DISC1: variants seen among roughly 807,000 people sequenced by gnomAD.
DISC1 encodes DISC1 scaffold protein, also known as disrupted in schizophrenia 1 protein.
Under a neutral mutation model 84.5 loss-of-function variants are expected in DISC1, and 57 were observed. That is an observed-to-expected ratio of 0.67 (90% confidence interval 0.55 to 0.84). The LOEUF (loss-of-function observed/expected upper bound fraction) is 0.84, where lower values mean the gene tolerates loss of function less well. Among genes scored for constraint, DISC1 ranks in the 40% least tolerant of loss-of-function variants. The pLI is 0.00. For synonymous variants in DISC1, 411 were observed against 415.2 expected (o/e 0.99, Z 0.12); for missense variants, 1,000 against 1,057.8 (o/e 0.95, Z 0.76).
chr1:231,762,699 A>C (rs980936762), intron 4 of DISC1, among the ~76,000 whole-genome samples: 2 of 151,508 alleles, frequency 1.3e-5, no homozygotes, highest in African/African-American at 4.9e-5. Flanking sequence ...TACAGTGTTC[A>C]TTTTCCCGAT....
chr1:231,880,574 G>A (rs762322374), intron 9 of DISC1, among the ~76,000 whole-genome samples: 5 of 152,094 alleles, frequency 3.3e-5, no homozygotes, highest in Non-Finnish European at 7.4e-5. Context: ...TTATAGGACC[G>A]ACAGGTTCGT....
intron 10 of DISC1, among the ~76,000 whole-genome samples, chr1:231,974,099 C>G (rs1210363244): frequency 2.6e-5 from 4 of 152,088 alleles, no homozygotes; most frequent in Non-Finnish European, 5.9e-5. Flanking sequence ...AGCTCACACA[C>G]TAAACAGGGT....
At chr1:231,663,562 G>A (rs201491668) in intron 1 of DISC1, among the ~76,000 whole-genome samples, 15 of 152,172 alleles carry the variant, frequency 9.9e-5, no homozygotes, top group Admixed American at 3.3e-4. Flanking sequence ...TCTCACTTTG[G>A]TTGTATCACT....
intron 9 of DISC1, among the ~76,000 whole-genome samples, chr1:231,868,692 TTATATATATATATA>T (rs58636016): frequency 0.27 from 29,103 of 108,490 alleles, 4,264 homozygotes; most frequent in Non-Finnish European, 0.32. Context: ...ACCCCATCTC[TTATATATATATATA>T]TATATATATA....
chr1:231,950,799 C>T (rs1156587629), intron 9 of DISC1, among the ~76,000 whole-genome samples: 4 of 152,162 alleles, frequency 2.6e-5, no homozygotes, highest in African/African-American at 9.7e-5. Context: ...ACATAGCAAA[C>T]ATTTTTAAAC....
intron 9 of DISC1, among the ~76,000 whole-genome samples, chr1:231,915,720 G>A (rs1371585214): frequency 6.6e-6 from 1 of 152,232 alleles, no homozygotes; most frequent in East Asian, 1.9e-4. Flanking sequence ...GGATGTTGCA[G>A]TGAGCTGAGA....
intron 6 of DISC1, among the ~76,000 whole-genome samples, chr1:231,784,558 G>A: frequency 6.6e-6 from 1 of 152,192 alleles, no homozygotes; most frequent in Non-Finnish European, 1.5e-5. Context: ...TTCCACCCTT[G>A]TTAAAAATTT....
intron 1 of DISC1, among the ~76,000 whole-genome samples, chr1:231,649,919 A>G (rs1419449589): frequency 2.6e-5 from 4 of 152,066 alleles, no homozygotes; most frequent in African/African-American, 9.7e-5. Flanking sequence ...TGCTTGGTAG[A>G]TCTTCCTCCA....
At chr1:231,650,352 G>C (rs1379610566) in intron 1 of DISC1, among the ~76,000 whole-genome samples, 3 of 152,090 alleles carry the variant, frequency 2.0e-5, no homozygotes, top group Non-Finnish European at 4.4e-5. Flanking sequence ...GAAATTCTGG[G>C]CTGAAAATTC....
At chr1:231,888,258 G>T (rs185350270) in intron 9 of DISC1, among the ~76,000 whole-genome samples, 1 of 152,166 alleles carries the variant, frequency 6.6e-6, no homozygotes, top group East Asian at 1.9e-4. Context: ...ACTGCACGGC[G>T]TCTGGAAGGC....
intron 1 of DISC1, among the ~76,000 whole-genome samples, chr1:231,651,790 C>T (rs1387127289): frequency 1.3e-5 from 2 of 152,254 alleles, no homozygotes. Context: ...CAAGCCTCAG[C>T]AATGGCAGAT....
At chr1:232,002,222 A>G (rs568126329) in intron 10 of DISC1, among the ~76,000 whole-genome samples, 13 of 152,276 alleles carry the variant, frequency 8.5e-5, no homozygotes, top group Middle Eastern at 6.8e-3. Flanking sequence ...AAAAATTATA[A>G]CACCAAATAT....
Position 232,009,438 on chromosome 1 carries a change from T to G in DISC1, c.2307+389T>G. ...TAACATATATACTATACATTATGTA[T>G]TGTATGTCATATATGATGTTTATAT... On this transcript the variant is annotated intron_variant, in intron 11 of 12. Transcript: ENST00000439617. This position sits in a 1 kb window ranked among gnomAD's most constrained non-coding sequence, Gnocchi z 4.6. 1 of 562,998 alleles carries G rather than the reference T, an allele frequency of 1.8e-6. No individual in the cohort carries two copies. Among genetic ancestry groups the G allele is most frequent in the Non-Finnish European group, 2.2e-6 (1 of 457,690 alleles). The allele number at this position is 562,998 out of a possible 1,614,324, so 34.9% of individuals were successfully genotyped here. A position where few individuals can be genotyped will look rare whatever the true frequency, so the allele number is the denominator to read the frequency against.
At chr1:231,726,671 A>G (rs2070756792) in intron 3 of DISC1, among the ~76,000 whole-genome samples, 1 of 152,130 alleles carries the variant, frequency 6.6e-6, no homozygotes, top group African/African-American at 2.4e-5. Flanking sequence ...GCCAGTTCTT[A>G]TAAATTGATA....
At chr1:231,697,113 T>C (rs2065810310) in intron 2 of DISC1, among the ~76,000 whole-genome samples, 1 of 152,136 alleles carries the variant, frequency 6.6e-6, no homozygotes, top group Non-Finnish European at 1.5e-5. Context: ...CCATGGTGCT[T>C]ACACAGAGGC....
chr1:231,748,305 G>A lies in DISC1; in HGVS notation c.1118-1621G>A, dbSNP rs181946493. ...AGACTGGTGACAGTTGGGCATCCTT[G>A]TGCTGTTCCATTTATTAGAGGAAAA... On this transcript the variant is annotated intron_variant, in intron 3 of 12. Coordinates refer to ENST00000439617, the MANE Select transcript of DISC1 (RefSeq NM_018662.3). Among the ~76,000 whole-genome samples, 667 of 152,278 alleles carry A rather than the reference G, an allele frequency of 4.4e-3. 4 individuals are homozygous for A. Among genetic ancestry groups the A allele is most frequent in the African/African-American group, 0.015 (639 of 41,552 alleles).
At chr1:231,924,451 C>A (rs142775195) in intron 9 of DISC1, among the ~76,000 whole-genome samples, 1 of 152,002 alleles carries the variant, frequency 6.6e-6, no homozygotes, top group Non-Finnish European at 1.5e-5. Context: ...AGCCTTTGTG[C>A]GATGTTCAGC....
At chr1:231,628,093 T>G (rs929439601) in intron 1 of DISC1, among the ~76,000 whole-genome samples, 29 of 152,142 alleles carry the variant, frequency 1.9e-4, no homozygotes, top group African/African-American at 7.0e-4. Context: ...TCTAAATAAT[T>G]GGGAGTAATG....
chr1:231,798,882 G>A (rs939415062), intron 7 of DISC1, among the ~76,000 whole-genome samples: 1 of 152,144 alleles, frequency 6.6e-6, no homozygotes, highest in Non-Finnish European at 1.5e-5. Context: ...GATGAGGTCT[G>A]CTTTGACTCC....
Sources: gnomAD v4.1 joint callset for allele counts (sites outside exome capture counted in the v4.1 genomes callset) on GRCh38, gnomAD v4.1.1 for gene constraint, Gnocchi (gnomAD v3.1) non-coding constraint, MANE v1.5 for transcripts, NCBI Gene and HGNC (gene_info 2026-07-23, HGNC 2026-07-21) for gene names.